The following CNTN5 variants were observed in gnomAD, a reference collection of about 807,000 sequenced individuals.
The protein encoded by CNTN5 is contactin 5.
Under a neutral mutation model 129.1 loss-of-function variants are expected in CNTN5, and 77 were observed. The observed-to-expected ratio is 0.60, with a 90% CI of 0.50 to 0.72. CNTN5 has a LOEUF of 0.72. CNTN5 is among the 30% of genes least tolerant of loss of function. The pLI is 0.00. For missense variants in CNTN5, 1,478 were observed against 1,328.8 expected, an observed-to-expected ratio of 1.11 and a Z score of -1.75; for synonymous variants, 509 against 465.6, an observed-to-expected ratio of 1.09 and a Z score of -1.20.
intron 1 of CNTN5, among the ~76,000 whole-genome samples, chr11:99,139,094 C>G (rs924409568): frequency 4.2e-4 from 6 of 14,202 alleles, no homozygotes; most frequent in East Asian, 2.8e-3. Context: ...ATCTCTACCC[C>G]CTCCCCACCC....
intron 2 of CNTN5, among the ~76,000 whole-genome samples, chr11:99,353,377 G>C (rs1429054357): frequency 6.6e-6 from 1 of 152,098 alleles, no homozygotes; most frequent in Non-Finnish European, 1.5e-5. Flanking sequence ...GGGAATTCTG[G>C]GTGCTTGAGT....
chr11:99,510,628 T>C (rs967821943), intron 2 of CNTN5, among the ~76,000 whole-genome samples: 13 of 152,170 alleles, frequency 8.5e-5, no homozygotes, highest in South Asian at 6.2e-4. Context: ...GGTGCTTCAA[T>C]AGTGGAGCTG....
At chr11:100,059,468 C>G (rs1943372775) in intron 9 of CNTN5, among the ~76,000 whole-genome samples, 1 of 151,818 alleles carries the variant, frequency 6.6e-6, no homozygotes, top group Non-Finnish European at 1.5e-5. Flanking sequence ...TTCTATGGCC[C>G]TAAAACACAA....
chr11:99,957,622 G>T (rs72992899), intron 8 of CNTN5, among the ~76,000 whole-genome samples: 3 of 152,154 alleles, frequency 2.0e-5, no homozygotes, highest in Non-Finnish European at 4.4e-5. Context: ...GAATTCAAGT[G>T]CTATATTACC....
chr11:99,661,136 T>C (rs1227008489), intron 3 of CNTN5, among the ~76,000 whole-genome samples: 1 of 152,118 alleles, frequency 6.6e-6, no homozygotes, highest in African/African-American at 2.4e-5. Context: ...TGGGTAGTAT[T>C]AACCTCAGCT....
chr11:99,992,397 C>G (rs148145536), intron 8 of CNTN5, among the ~76,000 whole-genome samples: 268 of 152,288 alleles, frequency 1.8e-3, no homozygotes, highest in African/African-American at 5.7e-3. Context: ...CCACTGAATA[C>G]TGTATGTTTG....
At position 99,507,809 on chromosome 11, in the gene CNTN5, C is replaced by T. The variant is rs532017291; in HGVS notation, c.-70-48336C>T. Among the ~76,000 whole-genome samples, 43 of 152,118 alleles carry T rather than the reference C, an allele frequency of 2.8e-4. 1 individual carries two copies. Among genetic ancestry groups the T allele is most frequent in the African/African-American group, 9.6e-4 (40 of 41,496 alleles). On this transcript the variant is annotated intron_variant, in intron 2 of 24. Transcript: ENST00000524871. ...AAGTGCTTTCTTCCAGCTTCTTTTC[C>T]GTTTTTGGTAGGGTAGAGCCCAGGT...
chr11:99,040,718 A>C (rs917222066), intron 1 of CNTN5, among the ~76,000 whole-genome samples: 1 of 152,138 alleles, frequency 6.6e-6, no homozygotes, highest in Non-Finnish European at 1.5e-5. Context: ...TAGTGTTTCA[A>C]CCTTACTCTG....
In CNTN5 at chr11:99,871,706, C is replaced by T. The variant is rs1026582126; in HGVS notation, c.577+26444C>T. 2.0e-5 allele frequency among the ~76,000 whole-genome samples: 3 copies of T among 151,730 alleles called. No individual in the cohort carries two copies. In the South Asian group the frequency reaches 6.2e-4, roughly 31 times the overall value. Reference sequence around the variant, plus strand: ...TTTTCTAGCACAGCTTTTGATTTGTCCACAAATTTTAAAAAAGCTGGAAAA... The same window carrying T: ...TTTTCTAGCACAGCTTTTGATTTGTTCACAAATTTTAAAAAAGCTGGAAAA... On this transcript the variant is annotated intron_variant, in intron 6 of 24. Coordinates refer to ENST00000524871, the MANE Select transcript of CNTN5 (RefSeq NM_014361.4).
chr11:99,650,089 T>C (rs978633488), intron 3 of CNTN5, among the ~76,000 whole-genome samples: 14 of 151,824 alleles, frequency 9.2e-5, no homozygotes, highest in African/African-American at 3.4e-4. Flanking sequence ...TGTTGAGCTA[T>C]ATGCCAATCT....
At chr11:99,709,132 C>T (rs1954868682) in intron 3 of CNTN5, among the ~76,000 whole-genome samples, 1 of 151,840 alleles carries the variant, frequency 6.6e-6, no homozygotes, top group African/African-American at 2.4e-5. Flanking sequence ...CTTTCTGGCA[C>T]AAGATTACTA....
At chr11:99,628,606 A>G (rs200565704) in intron 3 of CNTN5, among the ~76,000 whole-genome samples, 5,988 of 132,712 alleles carry the variant, frequency 0.045, 162 homozygotes, top group South Asian at 0.11. Flanking sequence ...AGAAAGCTAA[A>G]TAATGACACA....
At chr11:100,168,830 A>G (rs2138397450) in intron 13 of CNTN5, among the ~76,000 whole-genome samples, 2 of 152,054 alleles carry the variant, frequency 1.3e-5, no homozygotes, top group Admixed American at 1.3e-4. Context: ...ACGTTCTGGA[A>G]AATGTTTACC....
intron 13 of CNTN5, among the ~76,000 whole-genome samples, chr11:100,155,764 A>ATTTC (rs1253834796): frequency 6.6e-6 from 1 of 151,892 alleles, no homozygotes. Flanking sequence ...TAGGTATTTT[A>ATTTC]TTTCTTTGTA....
intron 3 of CNTN5, among the ~76,000 whole-genome samples, chr11:99,802,073 A>C (rs892940286): frequency 4.6e-5 from 7 of 152,098 alleles, no homozygotes; most frequent in Admixed American, 1.3e-4. Context: ...TTTTGTTTTT[A>C]ATTTTCCTTT....
intron 3 of CNTN5, among the ~76,000 whole-genome samples, chr11:99,654,624 G>A (rs577511247): frequency 6.6e-6 from 1 of 151,286 alleles, no homozygotes; most frequent in African/African-American, 2.4e-5. Flanking sequence ...GACCTGAGTT[G>A]TTGTTAAATT....
intron 1 of CNTN5, among the ~76,000 whole-genome samples, chr11:99,200,022 C>A (rs539072558): frequency 6.6e-6 from 1 of 152,272 alleles, no homozygotes; most frequent in South Asian, 2.1e-4. Flanking sequence ...GGTCTTTGTT[C>A]TGTTTCCTAC....
At chr11:99,289,401 A>C (rs1864076159) in intron 1 of CNTN5, among the ~76,000 whole-genome samples, 1 of 151,852 alleles carries the variant, frequency 6.6e-6, no homozygotes. Context: ...ATGGAAGATC[A>C]CATTACTGGG....
intron 1 of CNTN5, among the ~76,000 whole-genome samples, chr11:99,041,900 C>T (rs573219851): frequency 6.6e-6 from 1 of 152,130 alleles, no homozygotes; most frequent in Non-Finnish European, 1.5e-5. Context: ...AGAAACAATA[C>T]AAAAGTATAT....
Sources: allele counts gnomAD v4.1 joint callset (sites outside exome capture counted in the v4.1 genomes callset), GRCh38; gene constraint gnomAD v4.1.1; transcripts MANE v1.5; gene names NCBI Gene and HGNC (gene_info 2026-07-23, HGNC 2026-07-21).